The following LRIG1 variants were observed in gnomAD, a reference collection of about 807,000 sequenced individuals.
LRIG1 encodes the protein leucine rich repeats and immunoglobulin like domains 1, also known as leucine-rich repeats and immunoglobulin-like domains protein 1.
Under a neutral mutation model 99.2 loss-of-function variants are expected in LRIG1, and 48 were observed. That is an observed-to-expected ratio of 0.48 (90% CI 0.38 to 0.62). The LOEUF (loss-of-function observed/expected upper bound fraction) is 0.62, where lower values mean the gene tolerates loss of function less well. LRIG1 is among the 20% of genes least tolerant of loss of function. The probability of loss-of-function intolerance (pLI) is 0.00; values close to 1 mark genes in which losing one functional copy is unlikely to be tolerated. For missense variants in LRIG1, 1,646 were observed against 1,434.4 expected, an observed-to-expected ratio of 1.15 and a Z score of -2.38; for synonymous variants, 772 against 596.1, an observed-to-expected ratio of 1.29 and a Z score of -4.30.
intron 2 of LRIG1, among the ~76,000 whole-genome samples, chr3:66,455,779 T>C (rs1700204613): frequency 6.6e-6 from 1 of 152,360 alleles, no homozygotes; most frequent in East Asian, 1.9e-4. Flanking sequence ...TACTAGAGAA[T>C]AATGTATACT....
intron 2 of LRIG1, among the ~76,000 whole-genome samples, chr3:66,453,505 TTCC>T (rs1314734499): frequency 6.6e-6 from 1 of 152,192 alleles, no homozygotes; most frequent in Non-Finnish European, 1.5e-5. Flanking sequence ...GTCTAGGTTT[TTCC>T]TCATTACCTT....
intron 3 of LRIG1, among the ~76,000 whole-genome samples, chr3:66,433,330 G>C (rs997688636): frequency 1.3e-5 from 2 of 152,224 alleles, no homozygotes; most frequent in African/African-American, 4.8e-5. Context: ...AGCCAGACCA[G>C]ACAGCCTGCG....
Position 66,383,611 on chromosome 3 carries a change from G to A in LRIG1, c.2072-210C>T, listed in dbSNP as rs569654009. Among the ~76,000 whole-genome samples, 5 of 152,264 alleles carry A rather than the reference G, an allele frequency of 3.3e-5. No individual in the cohort carries two copies. In the East Asian group the frequency reaches 5.8e-4, roughly 18 times the overall value. On this transcript the variant is annotated intron_variant, in intron 14 of 18. Coordinates refer to ENST00000273261, the MANE Select transcript of LRIG1 (RefSeq NM_015541.3). The stretch of plus-strand genomic sequence containing the variant: ...GCTTCCACAGGGACAGTGAACCTCT[G>A]CTGACAAAAGCCCCTGCTATTCCCT...
chr3:66,426,876 A>T (rs1425204859), intron 3 of LRIG1, among the ~76,000 whole-genome samples: 1 of 152,226 alleles, frequency 6.6e-6, no homozygotes, highest in African/African-American at 2.4e-5. Flanking sequence ...AGACAATTAC[A>T]GTGATTCACA....
Position 66,383,160 on chromosome 3 carries a change from C to T in LRIG1, c.2313G>A (p.Thr771=), listed in dbSNP as rs748705331. 1.4e-5 allele frequency: 23 copies of T among 1,614,122 alleles called. No homozygotes were observed. Among genetic ancestry groups the T allele is most frequent in the East Asian group, 6.7e-5 (3 of 44,888 alleles). ...YTCEMSNTLG[T]ERAHSQLSVL... ...CGCTCAGCTGGCTGTGAGCTCGCTCCGTGCCCAGGGTGTTGGACATCTCAC... is the reference window on the plus strand; with the variant it reads ...CGCTCAGCTGGCTGTGAGCTCGCTCTGTGCCCAGGGTGTTGGACATCTCAC... Residue 771 remains threonine (T), a synonymous_variant, in exon 15 of 19, where the codon ACG becomes ACA. Transcript: ENST00000273261.
chr3:66,391,160 AAC>A (rs1231254545), intron 12 of LRIG1, among the ~76,000 whole-genome samples: 1 of 152,204 alleles, frequency 6.6e-6, no homozygotes, highest in African/African-American at 2.4e-5. Flanking sequence ...GACAGTTAAT[AAC>A]ACATGCTAGC....
At chr3:66,500,107 C>G (rs895242277) in intron 1 of LRIG1, 83 bp downstream of exon 1, 2 of 1,110,052 alleles carry the variant, frequency 1.8e-6, no homozygotes, top group South Asian at 1.5e-5. Flanking sequence ...TCCGCACCCC[C>G]TCCCTGAGTA....
chr3:66,490,618 AATACTAAGCTT>A (rs949100064), intron 1 of LRIG1, among the ~76,000 whole-genome samples: 4 of 146,072 alleles, frequency 2.7e-5, no homozygotes, highest in African/African-American at 1.0e-4. Flanking sequence ...AGAATCTCTC[AATACTAAGCTT>A]TTCTGCCCCA....
chr3:66,405,331 G>A, intron 8 of LRIG1, 53 bp from the exon 9 acceptor site: 1 of 1,411,360 alleles, frequency 7.1e-7, no homozygotes, highest in Non-Finnish European at 1.0e-6. Context: ...TGAAGGGAAA[G>A]CAAACTCTCA....
intron 12 of LRIG1, 195 bp from the exon 13 acceptor site, chr3:66,386,496 C>G: frequency 1.7e-6 from 1 of 584,310 alleles, no homozygotes. Context: ...AATTAGAAGT[C>G]TGTGAGTACT....
At chr3:66,382,216 C>T in intron 16 of LRIG1, 57 bp downstream of exon 16, 17 of 1,605,184 alleles carry the variant, frequency 1.1e-5, no homozygotes, top group Non-Finnish European at 1.4e-5. Flanking sequence ...AGGCCACCTC[C>T]AGCACCCAGA....
chr3:66,477,421 A>T (rs1700747409), intron 1 of LRIG1, among the ~76,000 whole-genome samples: 1 of 152,210 alleles, frequency 6.6e-6, no homozygotes, highest in African/African-American at 2.4e-5. Context: ...ACAGGACAAG[A>T]TGATCCTAGT....
At chr3:66,461,618 G>C (rs1264816391) in intron 2 of LRIG1, among the ~76,000 whole-genome samples, 2 of 151,916 alleles carry the variant, frequency 1.3e-5, no homozygotes, top group African/African-American at 4.8e-5. Context: ...GTTCACAATG[G>C]GTATGCCTGG....
chr3:66,435,223 C>A (rs965256902), intron 3 of LRIG1, among the ~76,000 whole-genome samples: 1 of 152,222 alleles, frequency 6.6e-6, no homozygotes, highest in East Asian at 1.9e-4. Flanking sequence ...TTATATAAAA[C>A]TCTAAATGAA....
At chr3:66,459,955 T>A (rs920130558) in intron 2 of LRIG1, among the ~76,000 whole-genome samples, 1 of 152,186 alleles carries the variant, frequency 6.6e-6, no homozygotes, top group African/African-American at 2.4e-5. Flanking sequence ...CCTATCTTGA[T>A]CTAAGCTTTT....
At chr3:66,490,867 A>G (rs1279353447) in intron 1 of LRIG1, among the ~76,000 whole-genome samples, 2 of 152,236 alleles carry the variant, frequency 1.3e-5, no homozygotes, top group African/African-American at 2.4e-5. Flanking sequence ...AAACTAGGAT[A>G]AAGTGAATGG....
rs1700377810 is a variant in LRIG1, at chr3:66,462,518, G to C, written c.219-9C>G. The C allele has an allele frequency of 1.2e-6, 2 of 1,602,210 alleles. No individual in the cohort carries two copies. Among genetic ancestry groups the C allele is most frequent in the Admixed American group, 1.7e-5 (1 of 59,358 alleles). On this transcript the variant is annotated splice_polypyrimidine_tract_variant and intron_variant, in intron 1 of 18. Transcript: ENST00000273261. ...TGTTGTAACTCAGGTTTCTGGTAAAGACAGAGAGAGAAAAAAACGGAATCA... is the reference window on the plus strand; with the variant it reads ...TGTTGTAACTCAGGTTTCTGGTAAACACAGAGAGAGAAAAAAACGGAATCA...
chr3:66,420,858 A>C (rs1238050954), intron 3 of LRIG1, among the ~76,000 whole-genome samples: 8 of 152,198 alleles, frequency 5.3e-5, no homozygotes, highest in Non-Finnish European at 1.0e-4. Flanking sequence ...GACATACCTG[A>C]GACTGGGCAA....
chr3:66,467,653 G>A (rs562623869), intron 1 of LRIG1, among the ~76,000 whole-genome samples: 1 of 152,306 alleles, frequency 6.6e-6, no homozygotes, highest in South Asian at 2.1e-4. Flanking sequence ...GAGCCACCAC[G>A]CCCAGCCCAC....
Sources: gnomAD v4.1 joint callset for allele counts (sites outside exome capture counted in the v4.1 genomes callset) on GRCh38, gnomAD v4.1.1 for gene constraint, MANE v1.5 for transcripts, NCBI Gene and HGNC (gene_info 2026-07-23, HGNC 2026-07-21) for gene names.